The following CPED1 variants were observed in gnomAD, a reference collection of about 807,000 sequenced individuals.
CPED1 encodes the protein cadherin like and PC-esterase domain containing 1, also known as cadherin-like and PC-esterase domain-containing protein 1.
Under a neutral mutation model 128.2 loss-of-function variants are expected in CPED1, and 114 were observed. The observed-to-expected ratio is 0.89, with a 90% CI of 0.76 to 1.04. The LOEUF (loss-of-function observed/expected upper bound fraction) is 1.04, where lower values mean the gene tolerates loss of function less well. Among genes scored for constraint, CPED1 ranks in the 50% least tolerant of loss-of-function variants. The pLI is 0.00. For missense variants in CPED1, 1,211 were observed against 1,207.1 expected (o/e 1.00, Z -0.05); for synonymous variants, 462 against 426.7 (o/e 1.08, Z -1.02).
At position 121,142,160 on chromosome 7, in the gene CPED1, T is replaced by G; in HGVS notation, c.2055+19T>G. On this transcript the variant is annotated intron_variant, in intron 16 of 22. Transcript: ENST00000310396. ...TGTGCAGGTAAGTGAAGTTTACATTTGCACTTGGGTTGAATTGGGAATGAT... is the reference window on the plus strand; with the variant it reads ...TGTGCAGGTAAGTGAAGTTTACATTGGCACTTGGGTTGAATTGGGAATGAT... 1 of 1,574,164 alleles carries G rather than the reference T, an allele frequency of 6.4e-7. No homozygotes were observed. The highest frequency in any genetic ancestry group is 8.7e-7 in the Non-Finnish European group (1 of 1,151,700).
chr7:121,022,315 C>T (rs6967253), intron 3 of CPED1, among the ~76,000 whole-genome samples: 1,858 of 152,082 alleles, frequency 0.012, 37 homozygotes, highest in African/African-American at 0.042. Context: ...TAAGTCCACT[C>T]TTACACCAAA....
intron 16 of CPED1, among the ~76,000 whole-genome samples, chr7:121,230,638 A>G (rs78534608): frequency 0.041 from 6,193 of 152,046 alleles, 401 homozygotes; most frequent in African/African-American, 0.14. Flanking sequence ...CCATAATTTA[A>G]GATAGTTGTT....
At chr7:121,191,400 A>G (rs1275879810) in intron 16 of CPED1, among the ~76,000 whole-genome samples, 1 of 152,182 alleles carries the variant, frequency 6.6e-6, no homozygotes, top group Non-Finnish European at 1.5e-5. Flanking sequence ...TCGAAGGACC[A>G]GTACAAGACA....
intron 3 of CPED1, among the ~76,000 whole-genome samples, chr7:121,026,462 A>G (rs1301923002): frequency 6.6e-6 from 1 of 152,152 alleles, no homozygotes; most frequent in Non-Finnish European, 1.5e-5. Flanking sequence ...AACAGAACAC[A>G]TATTTCTTAA....
chr7:121,073,102 C>T (rs1794035077), intron 5 of CPED1, among the ~76,000 whole-genome samples: 1 of 152,092 alleles, frequency 6.6e-6, no homozygotes, highest in South Asian at 2.1e-4. Context: ...CTACTAATGG[C>T]CTACTGATGA....
chr7:121,133,813 G>A lies in CPED1; in HGVS notation c.1578-10G>A. 6.3e-7 allele frequency: 1 copy of A among 1,581,582 alleles called. No individual in the cohort carries two copies. Among genetic ancestry groups the A allele is most frequent in the Non-Finnish European group, 8.6e-7 (1 of 1,158,368 alleles). On this transcript the variant is annotated splice_polypyrimidine_tract_variant and intron_variant, in intron 12 of 22. Coordinates refer to ENST00000310396, the MANE Select transcript of CPED1 (RefSeq NM_024913.5). The stretch of plus-strand genomic sequence containing the variant: ...CATTAATCCAGAGTTGTTTGGCATT[G>A]CATTTGCAGGAATTCTTTCACAGAA...
intron 5 of CPED1, among the ~76,000 whole-genome samples, chr7:121,093,397 T>TATAC (rs1554433495): frequency 9.6e-5 from 14 of 145,470 alleles, no homozygotes; most frequent in African/African-American, 2.6e-4. Context: ...CCTTTTTCTG[T>TATAC]ACACACACAC....
intron 16 of CPED1, among the ~76,000 whole-genome samples, chr7:121,204,932 C>A (rs186194878): frequency 1.3e-5 from 2 of 152,042 alleles, no homozygotes; most frequent in African/African-American, 4.8e-5. Context: ...ATTGCCTAAT[C>A]CTGATGATTC....
At chr7:121,065,456 C>T (rs1157134992) in intron 5 of CPED1, among the ~76,000 whole-genome samples, 1 of 151,904 alleles carries the variant, frequency 6.6e-6, no homozygotes, top group Non-Finnish European at 1.5e-5. Flanking sequence ...ATTAAAATAT[C>T]CAGAAATTCT....
intron 21 of CPED1, among the ~76,000 whole-genome samples, chr7:121,268,658 A>T (rs1050497946): frequency 6.6e-6 from 1 of 152,012 alleles, no homozygotes; most frequent in African/African-American, 2.4e-5. Flanking sequence ...ACACACACAC[A>T]CACATTCACA....
intron 2 of CPED1, among the ~76,000 whole-genome samples, chr7:121,006,790 G>C (rs570822936): frequency 6.6e-6 from 1 of 152,278 alleles, no homozygotes; most frequent in African/African-American, 2.4e-5. Context: ...TGAGGTTACA[G>C]TAAATAGTAA....
intron 4 of CPED1, among the ~76,000 whole-genome samples, chr7:121,050,120 T>G (rs1281610884): frequency 1.3e-5 from 2 of 152,194 alleles, no homozygotes; most frequent in African/African-American, 2.4e-5. Context: ...CTCTGTCATC[T>G]CCTAAAATAG....
At chr7:121,125,794 T>C (rs1795488460) in intron 8 of CPED1, 26 bp from the exon 9 acceptor site, 1 of 1,562,672 alleles carries the variant, frequency 6.4e-7, no homozygotes, top group Non-Finnish European at 8.8e-7. Context: ...TCTTTACTTT[T>C]ATGGTACCTT....
At chr7:121,064,145 C>A in intron 4 of CPED1, 93 bp from the exon 5 acceptor site, 1 of 802,908 alleles carries the variant, frequency 1.2e-6, no homozygotes, top group East Asian at 2.4e-5. Flanking sequence ...ACAGTGCATC[C>A]CATCTATACT....
intron 5 of CPED1, among the ~76,000 whole-genome samples, chr7:121,094,846 A>AT (rs1584507732): frequency 6.6e-6 from 1 of 152,132 alleles, no homozygotes; most frequent in African/African-American, 2.4e-5. Context: ...TCCCTAACAA[A>AT]TTGTTCACTT....
At chr7:121,278,926 A>C (rs1792381726) in intron 22 of CPED1, among the ~76,000 whole-genome samples, 1 of 152,154 alleles carries the variant, frequency 6.6e-6, no homozygotes, top group Non-Finnish European at 1.5e-5. Context: ...TGTCAGTGTG[A>C]CTAAAAAAGA....
intron 7 of CPED1, among the ~76,000 whole-genome samples, chr7:121,116,828 C>T (rs569197339): frequency 1.3e-5 from 2 of 151,658 alleles, no homozygotes; most frequent in African/African-American, 4.8e-5. Flanking sequence ...TGAGTACCAT[C>T]TTCATAGCAT....
chr7:121,081,256 A>G (rs1048237370), intron 5 of CPED1, among the ~76,000 whole-genome samples: 1 of 152,190 alleles, frequency 6.6e-6, no homozygotes, highest in East Asian at 1.9e-4. Flanking sequence ...AGTGCAATAC[A>G]TTCGTTTTCC....
chr7:121,068,921 GT>G (rs1441987828), intron 5 of CPED1, among the ~76,000 whole-genome samples: 1 of 152,124 alleles, frequency 6.6e-6, no homozygotes, highest in Non-Finnish European at 1.5e-5. Context: ...CTGTTTGTCT[GT>G]TGTTAGTGGT....
Sources: allele counts gnomAD v4.1 joint callset (sites outside exome capture counted in the v4.1 genomes callset), GRCh38; gene constraint gnomAD v4.1.1; transcripts MANE v1.5; gene names NCBI Gene and HGNC (gene_info 2026-07-23, HGNC 2026-07-21).